Variants in CTNND2 observed in about 807,000 individuals in gnomAD.
CTNND2 encodes catenin delta 2.
A neutral mutation model predicts 144.4 loss-of-function variants in CTNND2; 22 were observed. That is an observed-to-expected ratio of 0.15 (90% confidence interval 0.11 to 0.22). The LOEUF is 0.22. Ranked by LOEUF, CTNND2 falls within the 10% of genes least tolerant of loss-of-function variation. The pLI is 1.00. For synonymous variants in CTNND2, 751 were observed against 695.6 expected (o/e 1.08, Z -1.25); for missense variants, 1,353 against 1,618.8 (o/e 0.84, Z 2.82).
At chr5:11,506,511 T>C (rs954343673) in intron 3 of CTNND2, among the ~76,000 whole-genome samples, 4 of 152,186 alleles carry the variant, frequency 2.6e-5, no homozygotes, top group African/African-American at 9.7e-5. Context: ...TGTACAATTA[T>C]ACTACATTTG....
At chr5:11,552,019 CT>C (rs1775808536) in intron 3 of CTNND2, among the ~76,000 whole-genome samples, 4 of 152,156 alleles carry the variant, frequency 2.6e-5, no homozygotes, top group Admixed American at 2.6e-4. Flanking sequence ...ATCCCCTGCC[CT>C]TGGCCTCCCA....
intron 9 of CTNND2, among the ~76,000 whole-genome samples, chr5:11,262,038 G>A (rs1024383486): frequency 7.2e-5 from 11 of 152,234 alleles, no homozygotes; most frequent in Admixed American, 2.0e-4. Context: ...GAGATCAAGA[G>A]TTTCATAGGC....
chr5:11,887,072 C>T (rs1213439923), intron 1 of CTNND2, among the ~76,000 whole-genome samples: 2 of 147,238 alleles, frequency 1.4e-5, no homozygotes, highest in African/African-American at 5.0e-5. Flanking sequence ...CAAGCTCTGC[C>T]TCCCGGGTTC....
intron 21 of CTNND2, among the ~76,000 whole-genome samples, chr5:10,976,765 C>T (rs1304590736): frequency 6.6e-6 from 1 of 152,154 alleles, no homozygotes; most frequent in Non-Finnish European, 1.5e-5. Context: ...ATGAATTTGC[C>T]AGGAAACTGG....
At chr5:11,193,125 C>A (rs1736492205) in intron 11 of CTNND2, among the ~76,000 whole-genome samples, 2 of 151,886 alleles carry the variant, frequency 1.3e-5, no homozygotes, top group African/African-American at 2.4e-5. Flanking sequence ...AGGACCCAGG[C>A]CCCATAGAGG....
intron 7 of CTNND2, among the ~76,000 whole-genome samples, chr5:11,375,969 A>G (rs987580589): frequency 6.6e-6 from 1 of 151,962 alleles, no homozygotes; most frequent in Non-Finnish European, 1.5e-5. Context: ...TGGTGTTAGG[A>G]GGTGGGGCCT....
At chr5:11,246,922 C>T (rs948843302) in intron 9 of CTNND2, among the ~76,000 whole-genome samples, 4 of 152,128 alleles carry the variant, frequency 2.6e-5, no homozygotes, top group African/African-American at 7.2e-5. Flanking sequence ...CCGGGCCCTA[C>T]TGGGAGACCA....
intron 2 of CTNND2, among the ~76,000 whole-genome samples, chr5:11,711,958 C>T (rs993050171): frequency 1.3e-5 from 2 of 152,164 alleles, no homozygotes; most frequent in African/African-American, 4.8e-5. Flanking sequence ...AATTAGTTAA[C>T]ATTATTATTA....
chr5:11,833,527 G>C (rs1435512435), intron 1 of CTNND2, among the ~76,000 whole-genome samples: 2 of 150,760 alleles, frequency 1.3e-5, no homozygotes. Flanking sequence ...AAACTATTTT[G>C]TTTTTTTTTG....
chr5:11,063,130 T>A lies in CTNND2; in HGVS notation c.2788+19566A>T, dbSNP rs116058108. Reference sequence around the variant, plus strand: ...TGCATAAGAAGTTCAAAGAATCAAGTAGCATTACTATAAGGAAAGACCATC... The same window carrying A: ...TGCATAAGAAGTTCAAAGAATCAAGAAGCATTACTATAAGGAAAGACCATC... On this transcript the variant is annotated intron_variant, in intron 16 of 21. Coordinates refer to ENST00000304623, the MANE Select transcript of CTNND2 (RefSeq NM_001332.4). Among the ~76,000 whole-genome samples the A allele has an allele frequency of 6.4e-3, 972 of 152,254 alleles. 6 individuals are homozygous for A. Among genetic ancestry groups the A allele is most frequent in the Non-Finnish European group, 0.011 (717 of 68,020 alleles).
At chr5:11,612,673 GAGGATTGCTTGAGCCC>G (rs903901163) in intron 2 of CTNND2, among the ~76,000 whole-genome samples, 1 of 152,174 alleles carries the variant, frequency 6.6e-6, no homozygotes, top group African/African-American at 2.4e-5. Flanking sequence ...GCCAAGGTGG[GAGGATTGCTTGAGCCC>G]AGGAGTTTGA....
chr5:11,791,470 C>T (rs139947602), intron 1 of CTNND2, among the ~76,000 whole-genome samples: 2 of 151,908 alleles, frequency 1.3e-5, no homozygotes, highest in South Asian at 4.1e-4. Flanking sequence ...AGGAAATGGC[C>T]GAAAGGGTCA....
intron 16 of CTNND2, among the ~76,000 whole-genome samples, chr5:11,025,843 A>G (rs550101604): frequency 4.6e-5 from 7 of 152,198 alleles, no homozygotes; most frequent in Non-Finnish European, 8.8e-5. Context: ...GCTGCCCAGT[A>G]GGAGGAATCT....
intron 3 of CTNND2, among the ~76,000 whole-genome samples, chr5:11,540,568 G>A (rs1774633781): frequency 6.6e-6 from 1 of 152,198 alleles, no homozygotes; most frequent in Non-Finnish European, 1.5e-5. Context: ...CCGGGCTGGA[G>A]TGCAGTGGCA....
At chr5:11,433,909 C>G (rs1048955390) in intron 3 of CTNND2, among the ~76,000 whole-genome samples, 1 of 152,132 alleles carries the variant, frequency 6.6e-6, no homozygotes, top group African/African-American at 2.4e-5. Context: ...GGGGAAAAGT[C>G]GGGGAGTTTC....
intron 7 of CTNND2, among the ~76,000 whole-genome samples, chr5:11,370,362 C>T (rs532924806): frequency 2.4e-4 from 37 of 152,214 alleles, no homozygotes; most frequent in African/African-American, 8.7e-4. Flanking sequence ...TGGGCACCCC[C>T]GAGCCTCCTG....
At position 11,613,680 on chromosome 5, in the gene CTNND2, G is replaced by A. The variant is rs148335598; in HGVS notation, c.175-48624C>T. 2.4e-4 allele frequency among the ~76,000 whole-genome samples: 37 copies of A among 152,304 alleles called. 1 individual carries two copies. In the East Asian group the frequency reaches 6.0e-3, roughly 25 times the overall value. ...CCAATGTAACTAGCCCATGGAATTA[G>A]AGCCTGTTGCCTGCTAAAGTCTCAG... On this transcript the variant is annotated intron_variant, in intron 2 of 21. Transcript: ENST00000304623.
At chr5:11,179,625 G>A (rs1006357341) in intron 11 of CTNND2, among the ~76,000 whole-genome samples, 2 of 152,042 alleles carry the variant, frequency 1.3e-5, no homozygotes, top group Non-Finnish European at 2.9e-5. Flanking sequence ...AAGAGATATG[G>A]TTTTAAAAAA....
At chr5:11,191,315 T>C (rs2149814924) in intron 11 of CTNND2, among the ~76,000 whole-genome samples, 1 of 152,282 alleles carries the variant, frequency 6.6e-6, no homozygotes, top group Admixed American at 6.5e-5. Flanking sequence ...GAGGAAAACC[T>C]GCTAACAAAC....
Sources: gnomAD v4.1 joint callset for allele counts (sites outside exome capture counted in the v4.1 genomes callset) on GRCh38, gnomAD v4.1.1 for gene constraint, MANE v1.5 for transcripts, NCBI Gene and HGNC (gene_info 2026-07-23, HGNC 2026-07-21) for gene names.